The following PTPRU variants were observed in gnomAD, a reference collection of about 807,000 sequenced individuals.
PTPRU encodes the protein receptor-type tyrosine-protein phosphatase U.
In PTPRU, 69 loss-of-function variants were observed where a neutral mutation model predicts 166.3. The ratio of observed to expected loss-of-function variants is 0.41; its 90% CI spans 0.34 to 0.51. PTPRU has a LOEUF of 0.51. PTPRU is among the 20% of genes least tolerant of loss of function. The pLI, the probability that PTPRU is intolerant of heterozygous loss-of-function variation, is 0.09. For missense variants in PTPRU, 1,657 were observed against 2,013.7 expected, an observed-to-expected ratio of 0.82 and a Z score of 3.39; for synonymous variants, 793 against 814.0, an observed-to-expected ratio of 0.97 and a Z score of 0.44.
At chr1:29,307,786 G>A in intron 18 of PTPRU, among the ~76,000 whole-genome samples, 1 of 117,252 alleles carries the variant, frequency 8.5e-6, no homozygotes, top group Admixed American at 1.1e-4. Flanking sequence ...TTGAGGTGGA[G>A]TTTCGCTCTT....
chr1:29,255,596 C>T (rs1162033165), intron 2 of PTPRU, among the ~76,000 whole-genome samples, 190 bp downstream of exon 2: 1 of 152,192 alleles, frequency 6.6e-6, no homozygotes, highest in Non-Finnish European at 1.5e-5. Flanking sequence ...CAGCTAGTTT[C>T]GTGTGTAAAA....
chr1:29,305,261 G>GC, intron 17 of PTPRU, 91 bp from the exon 18 acceptor site: 2 of 1,282,978 alleles, frequency 1.6e-6, no homozygotes, highest in Non-Finnish European at 2.2e-6. Flanking sequence ...CCCTGCCTGT[G>GC]CCCTATCCCC....
intron 1 of PTPRU, among the ~76,000 whole-genome samples, chr1:29,241,036 G>T (rs1052893690): frequency 6.6e-6 from 1 of 152,150 alleles, no homozygotes; most frequent in Non-Finnish European, 1.5e-5. Flanking sequence ...CAGAGTGGGG[G>T]GTGTGTAGGG....
At position 29,315,338 on chromosome 1, in the gene PTPRU, G is replaced by T; in HGVS notation, c.3228-34G>T. 1 of 1,613,456 alleles carries T rather than the reference G, an allele frequency of 6.2e-7. No individual in the cohort carries two copies. The highest frequency in any genetic ancestry group is 1.3e-5 in the African/African-American group (1 of 75,030). The stretch of plus-strand genomic sequence containing the variant: ...CTTAGTCCCGGGCTTCCTCCCCAAA[G>T]CTCTGACCTGGTCTGGGGCTGCTCT... On this transcript the variant is annotated intron_variant, in intron 22 of 29. Transcript: ENST00000373779. This position sits in a 1 kb window ranked among gnomAD's most constrained non-coding sequence, Gnocchi z 4.5.
Position 29,260,878 on chromosome 1 carries a change from C to T in PTPRU, c.1119C>T (p.Pro373=). 6.3e-7 allele frequency: 1 copy of T among 1,586,446 alleles called. No homozygotes were observed. Reference sequence around the variant, plus strand: ...GCGGCACTGGCCGCCCTGGGCCACCCCTCATCAGCCGCACCAAATGCGCAG... The same window carrying T: ...GCGGCACTGGCCGCCCTGGGCCACCTCTCATCAGCCGCACCAAATGCGCAG... ...GDGGTGRPGP[P]LISRTKCAEP... The change falls in exon 7 of 30, where the codon CCC becomes CCT. Residue 373 remains proline (P), a synonymous_variant. Transcript: ENST00000373779. This position sits in a 1 kb window ranked among gnomAD's most constrained non-coding sequence, Gnocchi z 8.3.
At chr1:29,265,064 A>G (rs1260195618) in intron 7 of PTPRU, among the ~76,000 whole-genome samples, 1 of 152,226 alleles carries the variant, frequency 6.6e-6, no homozygotes, top group Non-Finnish European at 1.5e-5. Flanking sequence ...TTCTGTGAGC[A>G]TTCATACAGA....
chr1:29,293,631 C>T (rs1259809046), intron 15 of PTPRU, among the ~76,000 whole-genome samples: 2 of 152,052 alleles, frequency 1.3e-5, no homozygotes, highest in East Asian at 1.9e-4. Context: ...CCCGCCACTG[C>T]GCCCGGCTAA....
At chr1:29,250,758 C>T (rs1265642602) in intron 1 of PTPRU, among the ~76,000 whole-genome samples, 3 of 152,224 alleles carry the variant, frequency 2.0e-5, no homozygotes, top group Non-Finnish European at 4.4e-5. Context: ...AGAGCTGGGA[C>T]TTGGCTTTGG....
chr1:29,244,181 A>T (rs1254681879), intron 1 of PTPRU, among the ~76,000 whole-genome samples: 1 of 152,026 alleles, frequency 6.6e-6, no homozygotes, highest in East Asian at 1.9e-4. Context: ...GTGGGGTGAC[A>T]GCTCAGCCCC....
Position 29,321,261 on chromosome 1 carries a change from G to A in PTPRU, c.3828+436G>A, listed in dbSNP as rs544839505. On this transcript the variant is annotated intron_variant, in intron 26 of 29. Coordinates refer to ENST00000373779, the MANE Select transcript of PTPRU (RefSeq NM_133178.4). ...TCACTGTGTTGCCTGGACTGGTCTC[G>A]AACACCTGGCCTCAAGTGATCCTCC... Among the ~76,000 whole-genome samples, 5 of 143,412 alleles carry A rather than the reference G, an allele frequency of 3.5e-5. No homozygotes were observed. The South Asian group carries it at 6.6e-4, about 19-fold the overall frequency. The allele number at this position is 143,412 out of a possible 152,430, so 94.1% of individuals were successfully genotyped here.
Position 29,259,964 on chromosome 1 carries a change from C to G in PTPRU, c.770C>G (p.Ala257Gly). 1 of 1,547,072 alleles carries G rather than the reference C, an allele frequency of 6.5e-7. No homozygotes were observed. Among genetic ancestry groups the G allele is most frequent in the Non-Finnish European group, 8.7e-7 (1 of 1,153,546 alleles). The change falls in exon 6 of 30, where the codon GCC becomes GGC. Residue 257 changes from alanine (A) to glycine (G), a missense_variant. Ala to Gly is a moderately conservative substitution (Grantham distance 60, BLOSUM62 0). Coordinates refer to ENST00000373779, the MANE Select transcript of PTPRU (RefSeq NM_133178.4). Reference protein sequence around the residue: ...ATFPLAAVSRAEQDLYRCVSQ... With the variant: ...ATFPLAAVSRGEQDLYRCVSQ... Reference sequence around the variant, plus strand: ...TTCCCGCTGGCTGCCGTGAGCCGCGCCGAGCAGGACCTGTACCGCTGTGTG... The same window carrying G: ...TTCCCGCTGGCTGCCGTGAGCCGCGGCGAGCAGGACCTGTACCGCTGTGTG...
At position 29,260,919 on chromosome 1, in the gene PTPRU, AC is replaced by A. The variant is rs1289494498; in HGVS notation, c.1144+20del. Reference sequence around the variant, plus strand: ...AAATGCGCAGGTGGGTGCAGCAGCTACCCCTGGCCTCAGTCTCTGGTGGGCC... The same window carrying A: ...AAATGCGCAGGTGGGTGCAGCAGCTACCCTGGCCTCAGTCTCTGGTGGGCC... On this transcript the variant is annotated intron_variant, in intron 7 of 29. Coordinates refer to ENST00000373779, the MANE Select transcript of PTPRU (RefSeq NM_133178.4). This position sits in a 1 kb window ranked among gnomAD's most constrained non-coding sequence, Gnocchi z 8.3. The A allele has an allele frequency of 2.0e-6, 3 of 1,516,846 alleles. No individual in the cohort carries two copies. Among genetic ancestry groups the A allele is most frequent in the Non-Finnish European group, 2.6e-6 (3 of 1,136,918 alleles). The allele number at this position is 1,516,846 out of a possible 1,614,324, so 94.0% of individuals were successfully genotyped here.
Position 29,317,995 on chromosome 1 carries a change from G to A in PTPRU, c.3687+74G>A. ...ATCAGGGAAGGTCCAGGGGCCACGGGAACAAAGCTGAAGGCTCTGTTGGGG... is the reference window on the plus strand; with the variant it reads ...ATCAGGGAAGGTCCAGGGGCCACGGAAACAAAGCTGAAGGCTCTGTTGGGG... On this transcript the variant is annotated intron_variant, in intron 25 of 29. Coordinates refer to ENST00000373779, the MANE Select transcript of PTPRU (RefSeq NM_133178.4). The surrounding 1 kb of genome is among the most constrained non-coding windows in gnomAD (Gnocchi z 5.6). 1.9e-6 allele frequency: 3 copies of A among 1,540,738 alleles called. No homozygotes were observed. Among genetic ancestry groups the A allele is most frequent in the Non-Finnish European group, 2.6e-6 (3 of 1,133,102 alleles).
At chr1:29,256,555 G>C (rs1419901068) in intron 2 of PTPRU, among the ~76,000 whole-genome samples, 1 of 152,212 alleles carries the variant, frequency 6.6e-6, no homozygotes, top group Admixed American at 6.5e-5. Context: ...TCATGACCTG[G>C]CACAGGCGCC....
In PTPRU at chr1:29,236,547, CGCTCCGGCTCGG is replaced by C; in HGVS notation, c.-86_-75del. 2.1e-6 allele frequency: 2 copies of C among 964,270 alleles called. No individual in the cohort carries two copies. Among genetic ancestry groups the C allele is most frequent in the South Asian group, 5.0e-5 (1 of 19,968 alleles). 59.7% of individuals were successfully genotyped at this position (964,270 alleles called of 1,614,324 possible). ...AGTCCCGCTCCGCGCCGCGCCGCTC[CGCTCCGGCTCGG>C]GCTCCGGCTCGCCTCGGGCTGGGCT... On this transcript the variant is annotated 5_prime_UTR_variant, in exon 1 of 30. Coordinates refer to ENST00000373779, the MANE Select transcript of PTPRU (RefSeq NM_133178.4). This position sits in a 1 kb window ranked among gnomAD's most constrained non-coding sequence, Gnocchi z 4.6.
rs369539764 is a variant in PTPRU, at chr1:29,304,887, G to C, written c.2743+38G>C. ...GAAGGGCCTGGGGTCCAGGGCAGTG[G>C]GTGGGAGGGCATCAGGAGGGGGAAC... On this transcript the variant is annotated intron_variant, in intron 17 of 29. Coordinates refer to ENST00000373779, the MANE Select transcript of PTPRU (RefSeq NM_133178.4). 1.4e-5 allele frequency: 21 copies of C among 1,551,276 alleles called. No homozygotes were observed. In the African/African-American group the frequency reaches 2.0e-4, roughly 15 times the overall value.
At chr1:29,314,989 T>C (rs1557482701) in intron 22 of PTPRU, among the ~76,000 whole-genome samples, 2 of 152,134 alleles carry the variant, frequency 1.3e-5, no homozygotes, top group Admixed American at 6.5e-5. Context: ...TGGGTATGAG[T>C]GTGTGGGCTT....
In PTPRU at chr1:29,275,672, C is replaced by T. The variant is rs145823140; in HGVS notation, c.1369C>T (p.Arg457Trp). 15 of 1,614,050 alleles carry T rather than the reference C, an allele frequency of 9.3e-6. No individual in the cohort carries two copies. The highest frequency in any genetic ancestry group is 8.9e-5 in the East Asian group (4 of 44,896). ...CACCATCAAGAACCTGCTGCCCTAT[C>T]GGAACGTTCACGTGAGGCTTGTCCT... ...RYTIKNLLPY[R>W]NVHVRLVLTN... The change falls in exon 8 of 30, where the codon CGG becomes TGG. Residue 457 changes from arginine to tryptophan, a missense_variant. Coordinates refer to ENST00000373779, the MANE Select transcript of PTPRU (RefSeq NM_133178.4).
intron 12 of PTPRU, among the ~76,000 whole-genome samples, chr1:29,283,198 G>T: frequency 1.0e-5 from 1 of 97,212 alleles, no homozygotes; most frequent in Non-Finnish European, 2.1e-5. Flanking sequence ...CCATAGCCCT[G>T]CCTCCTTTTG....
Sources: allele counts gnomAD v4.1 joint callset (sites outside exome capture counted in the v4.1 genomes callset), GRCh38; gene constraint gnomAD v4.1.1; non-coding constraint Gnocchi (gnomAD v3.1); transcripts MANE v1.5; gene names NCBI Gene and HGNC (gene_info 2026-07-23, HGNC 2026-07-21).